The following RASL10A variants were observed in gnomAD, a reference collection of about 807,000 sequenced individuals.
The protein encoded by RASL10A is RAS like family 10 member A.
A neutral mutation model predicts 17.3 loss-of-function variants in RASL10A; 13 were observed. That is an observed-to-expected ratio of 0.75 (90% confidence interval 0.49 to 1.20). The LOEUF (loss-of-function observed/expected upper bound fraction) is 1.20. Among genes scored for constraint, RASL10A ranks in the 50% most tolerant of loss-of-function variants. The probability of loss-of-function intolerance (pLI) is 0.00; values close to 1 mark genes in which losing one functional copy is unlikely to be tolerated. For missense variants in RASL10A, 307 were observed against 310.3 expected (o/e 0.99, Z 0.08); for synonymous variants, 159 against 142.2 (o/e 1.12, Z -0.84).
Position 29,313,585 on chromosome 22 carries a change from G to A in RASL10A, c.345-17C>T, listed in dbSNP as rs2061433952. On this transcript the variant is annotated splice_polypyrimidine_tract_variant and intron_variant, in intron 2 of 2. Transcript: ENST00000216101. Reference sequence around the variant, plus strand: ...CCCGCCGGCCTGGGGGCCGAATGGAGATGAGAGACGCGGGGACCCCACGGC... The same window carrying A: ...CCCGCCGGCCTGGGGGCCGAATGGAAATGAGAGACGCGGGGACCCCACGGC... 6.6e-7 allele frequency: 1 copy of A among 1,519,878 alleles called. No individual in the cohort carries two copies. Among genetic ancestry groups the A allele is most frequent in the Admixed American group, 2.1e-5 (1 of 47,744 alleles). 94.1% of individuals were successfully genotyped at this position (1,519,878 alleles called of 1,614,324 possible).
chr22:29,313,733 T>C (rs2061435497), intron 2 of RASL10A, 130 bp downstream of exon 2: 12 of 1,475,672 alleles, frequency 8.1e-6, no homozygotes, highest in East Asian at 4.6e-5. Flanking sequence ...CACATACAGC[T>C]TAAGACCTTC....
Position 29,315,095 on chromosome 22 carries a change from G to A in RASL10A, c.152C>T (p.Ala51Val). The A allele has an allele frequency of 1.3e-6, 2 of 1,527,652 alleles. No homozygotes were observed. The highest frequency in any genetic ancestry group is 2.4e-5 in the South Asian group (2 of 82,832). 94.6% of individuals were successfully genotyped at this position (1,527,652 alleles called of 1,614,324 possible). A position where few individuals can be genotyped will look rare whatever the true frequency, so the allele number is the denominator to read the frequency against. ...GTCGCGGATGCTCAAGTCGTAGACGGCGCCGTCGAGCAGCACCGCGGGTCG... is the reference window on the plus strand; with the variant it reads ...GTCGCGGATGCTCAAGTCGTAGACGACGCCGTCGAGCAGCACCGCGGGTCG... ...LYRPAVLLDG[A>V]VYDLSIRDGD... The change falls in exon 1 of 3, where the codon GCC becomes GTC. Residue 51 changes from alanine (A) to valine (V), a missense_variant. Ala to Val is a moderately conservative substitution (Grantham distance 64). Transcript: ENST00000216101. This position sits in a 1 kb window ranked among gnomAD's most constrained non-coding sequence, Gnocchi z 5.5.
At chr22:29,318,372 G>A (rs550803007), upstream of RASL10A, among the ~76,000 whole-genome samples, 5 of 152,282 alleles carry the variant, frequency 3.3e-5, no homozygotes, top group Admixed American at 6.5e-5. Context: ...CACAGGGGCC[G>A]GAACCCAGGC....
chr22:29,316,442 G>A (rs2061454595), upstream of RASL10A, among the ~76,000 whole-genome samples: 1 of 152,148 alleles, frequency 6.6e-6, no homozygotes, highest in Non-Finnish European at 1.5e-5. Flanking sequence ...TCCAGAAATT[G>A]GCCCACTCCA....
Position 29,313,349 on chromosome 22 carries a change from G to A in RASL10A, c.564C>T (p.Ala188=). ...GATGCAGCGCCCCCTGCAGGCGCAG[G>A]GCCGGGTGTGCAGGGCGCGCGCGCA... The part of the protein sequence containing the change: ...ALVRARPAHP[A]LRLQGALHPA... The change falls in exon 3 of 3, where the codon GCC becomes GCT. Residue 188 remains alanine (A), a synonymous_variant. Coordinates refer to ENST00000216101, the MANE Select transcript of RASL10A (RefSeq NM_006477.5). 6.5e-7 allele frequency: 1 copy of A among 1,540,940 alleles called. No individual in the cohort carries two copies. Among genetic ancestry groups the A allele is most frequent in the Non-Finnish European group, 8.7e-7 (1 of 1,143,102 alleles).
chr22:29,315,024 C>A lies in RASL10A; in HGVS notation c.219+4G>T, dbSNP rs2061444542. 6.7e-7 allele frequency: 1 copy of A among 1,499,972 alleles called. No individual in the cohort carries two copies. Among genetic ancestry groups the A allele is most frequent in the African/African-American group, 1.4e-5 (1 of 69,290 alleles). 92.9% of individuals were successfully genotyped at this position (1,499,972 alleles called of 1,614,324 possible). On this transcript the variant is annotated splice_donor_region_variant and intron_variant, in intron 1 of 2. Coordinates refer to ENST00000216101, the MANE Select transcript of RASL10A (RefSeq NM_006477.5). This position sits in a 1 kb window ranked among gnomAD's most constrained non-coding sequence, Gnocchi z 5.5. Reference sequence around the variant, plus strand: ...ACGCCCCTGCCCGCTCCTCGAGCCGCTACCTCCGGACCCCCGGGGCTCGAG... The same window carrying A: ...ACGCCCCTGCCCGCTCCTCGAGCCGATACCTCCGGACCCCCGGGGCTCGAG...
Position 29,315,346 on chromosome 22 carries a change from G to C in RASL10A, c.-100C>G, listed in dbSNP as rs1042868386. 9.2e-6 allele frequency: 7 copies of C among 760,096 alleles called. No homozygotes were observed. In the African/African-American group the frequency reaches 1.3e-4, roughly 14 times the overall value. 47.1% of individuals were successfully genotyped at this position (760,096 alleles called of 1,614,324 possible). A position where few individuals can be genotyped will look rare whatever the true frequency, so the allele number is the denominator to read the frequency against. On this transcript the variant is annotated 5_prime_UTR_variant, in exon 1 of 3. Coordinates refer to ENST00000216101, the MANE Select transcript of RASL10A (RefSeq NM_006477.5). The surrounding 1 kb of genome is among the most constrained non-coding windows in gnomAD (Gnocchi z 5.5). ...GCGCCCCGCGCGCCCTGCCCGGTGC[G>C]CCACGGCCCCGTCGCGCTTCTCGTC...
Position 29,315,329 on chromosome 22 carries a change from C to T in RASL10A, c.-83G>A, listed in dbSNP as rs1207144719. The T allele has an allele frequency of 2.1e-6, 2 of 970,630 alleles. No individual in the cohort carries two copies. Among genetic ancestry groups the T allele is most frequent in the Admixed American group, 4.5e-5 (1 of 22,130 alleles). 60.1% of individuals were successfully genotyped at this position (970,630 alleles called of 1,614,324 possible). Reference sequence around the variant, plus strand: ...GTGCGCCCCCAGGCCGTGCGCCCCGCGCGCCCTGCCCGGTGCGCCACGGCC... The same window carrying T: ...GTGCGCCCCCAGGCCGTGCGCCCCGTGCGCCCTGCCCGGTGCGCCACGGCC... On this transcript the variant is annotated 5_prime_UTR_variant, in exon 1 of 3. Transcript: ENST00000216101. This position sits in a 1 kb window ranked among gnomAD's most constrained non-coding sequence, Gnocchi z 5.5.
At chr22:29,317,530 C>G (rs188852481), upstream of RASL10A, among the ~76,000 whole-genome samples, 579 of 152,328 alleles carry the variant, frequency 3.8e-3, 1 homozygote, top group Non-Finnish European at 5.8e-3. Flanking sequence ...TGAGCCACCA[C>G]ATCTGGCCAA....
upstream of RASL10A, among the ~76,000 whole-genome samples, chr22:29,317,745 T>C (rs2061460458): frequency 6.6e-6 from 1 of 152,172 alleles, no homozygotes; most frequent in Admixed American, 6.5e-5. Flanking sequence ...AGTGCAGTGG[T>C]GCGATCTTGG....
chr22:29,314,951 G>A, intron 1 of RASL10A, 77 bp downstream of exon 1: 1 of 1,216,374 alleles, frequency 8.2e-7, no homozygotes, highest in Non-Finnish European at 1.1e-6. Context: ...AGGCCTCCAC[G>A]CGGACACGCA....
chr22:29,315,067 G>C lies in RASL10A; in HGVS notation c.180C>G (p.Gly60=), dbSNP rs948039968. The C allele has an allele frequency of 6.6e-7, 1 of 1,518,920 alleles. No homozygotes were observed. The highest frequency in any genetic ancestry group is 1.2e-5 in the South Asian group (1 of 82,342). The allele number at this position is 1,518,920 out of a possible 1,614,324, so 94.1% of individuals were successfully genotyped here. A position where few individuals can be genotyped will look rare whatever the true frequency, so the allele number is the denominator to read the frequency against. The change falls in exon 1 of 3, where the codon GGC becomes GGG. Residue 60 remains glycine (G), a synonymous_variant. Coordinates refer to ENST00000216101, the MANE Select transcript of RASL10A (RefSeq NM_006477.5). This position sits in a 1 kb window ranked among gnomAD's most constrained non-coding sequence, Gnocchi z 5.5. ...GAVYDLSIRD[G]DVAGPGSSPG... ...GGCTCGAGCCGGGGCCAGCGACGTCGCCGTCGCGGATGCTCAAGTCGTAGA... is the reference window on the plus strand; with the variant it reads ...GGCTCGAGCCGGGGCCAGCGACGTCCCCGTCGCGGATGCTCAAGTCGTAGA...
Position 29,314,339 on chromosome 22 carries a change from C to T in RASL10A, c.220-352G>A, listed in dbSNP as rs187476802. 6.7e-3 allele frequency: 1,419 copies of T among 213,180 alleles called. 22 individuals carry two copies. The highest frequency in any genetic ancestry group is 0.03 in the African/African-American group (1,323 of 43,502). 13.2% of individuals were successfully genotyped at this position (213,180 alleles called of 1,614,324 possible). A position where few individuals can be genotyped will look rare whatever the true frequency, so the allele number is the denominator to read the frequency against. On this transcript the variant is annotated intron_variant, in intron 1 of 2. Coordinates refer to ENST00000216101, the MANE Select transcript of RASL10A (RefSeq NM_006477.5). ...ATTCCAAAGCCCTTGGCCCGAGTCC[C>T]GTGGTCCACCACGCCCCCAGATTGT...
rs1178330603 is a variant in RASL10A at position 29,315,238 on chromosome 22, AC to A, written c.8del (p.Gly3ValfsTer8). On this transcript the variant is annotated frameshift_variant, in exon 1 of 3. Transcript: ENST00000216101. LOFTEE classifies it high-confidence loss of function. This position sits in a 1 kb window ranked among gnomAD's most constrained non-coding sequence, Gnocchi z 5.5. ...CGCCTAGAACGGCCACCCGCAGGCT[AC>A]CCCCCATGGCCGGCCGGCGCTGTCG... The part of the protein sequence containing the change: MG[G>X]SLRVAVLGAP... 4 of 1,497,418 alleles carry A rather than the reference AC, an allele frequency of 2.7e-6. No homozygotes were observed. Among genetic ancestry groups the A allele is most frequent in the African/African-American group, 1.5e-5 (1 of 68,676 alleles). The allele number at this position is 1,497,418 out of a possible 1,614,324, so 92.8% of individuals were successfully genotyped here.
intron 1 of RASL10A, chr22:29,314,212 C>T (rs2061439159): frequency 3.6e-6 from 2 of 548,698 alleles, no homozygotes; most frequent in Non-Finnish European, 6.4e-6. Context: ...TTGGTCTCCC[C>T]TCTGTTTACC....
rs2061448158 is a variant in RASL10A at position 29,315,433 on chromosome 22, CAGACAGACAGCCGAGT to C, written c.-203_-188del. Reference sequence around the variant, plus strand: ...GAGGCAGGAGCTGGCGGCGGGAGGGCAGACAGACAGCCGAGTGGGCAGACAGGTGGCGGGCGCGCGA... The same window carrying C: ...GAGGCAGGAGCTGGCGGCGGGAGGGCGGGCAGACAGGTGGCGGGCGCGCGA... On this transcript the variant is annotated 5_prime_UTR_variant, in exon 1 of 3. Transcript: ENST00000216101. The surrounding 1 kb of genome is among the most constrained non-coding windows in gnomAD (Gnocchi z 5.5). The C allele has an allele frequency of 3.2e-6, 1 of 313,974 alleles. No individual in the cohort carries two copies. The highest frequency in any genetic ancestry group is 5.6e-6 in the Non-Finnish European group (1 of 178,254). The allele number at this position is 313,974 out of a possible 1,614,324, so 19.4% of individuals were successfully genotyped here.
upstream of RASL10A, among the ~76,000 whole-genome samples, chr22:29,318,104 T>C (rs2061461888): frequency 6.6e-6 from 1 of 152,208 alleles, no homozygotes; most frequent in African/African-American, 2.4e-5. Context: ...GAGCTGTGTG[T>C]GAGGCGTCTC....
chr22:29,315,362 G>A lies in RASL10A; in HGVS notation c.-116C>T, dbSNP rs1179557095. The stretch of plus-strand genomic sequence containing the variant: ...GCCCGGTGCGCCACGGCCCCGTCGC[G>A]CTTCTCGTCGCCCCTCGGAGCACCG... On this transcript the variant is annotated 5_prime_UTR_variant, in exon 1 of 3. Coordinates refer to ENST00000216101, the MANE Select transcript of RASL10A (RefSeq NM_006477.5). This position sits in a 1 kb window ranked among gnomAD's most constrained non-coding sequence, Gnocchi z 5.5. 1.7e-6 allele frequency: 1 copy of A among 600,698 alleles called. No homozygotes were observed. The highest frequency in any genetic ancestry group is 2.3e-6 in the Non-Finnish European group (1 of 429,428). 37.2% of individuals were successfully genotyped at this position (600,698 alleles called of 1,614,324 possible). A position where few individuals can be genotyped will look rare whatever the true frequency, so the allele number is the denominator to read the frequency against.
At position 29,315,214 on chromosome 22, in the gene RASL10A, G is replaced by T. The variant is rs775874185; in HGVS notation, c.33C>A (p.Gly11=). 2.0e-6 allele frequency: 3 copies of T among 1,519,662 alleles called. No individual in the cohort carries two copies. Among genetic ancestry groups the T allele is most frequent in the East Asian group, 2.7e-5 (1 of 37,676 alleles). The allele number at this position is 1,519,662 out of a possible 1,614,324, so 94.1% of individuals were successfully genotyped here. The change falls in exon 1 of 3, where the codon GGC becomes GGA. Residue 11 remains glycine, a synonymous_variant. Transcript: ENST00000216101. This position sits in a 1 kb window ranked among gnomAD's most constrained non-coding sequence, Gnocchi z 5.5. ...TGGCCGTCTTGCCCACGCCCGGGGCGCCTAGAACGGCCACCCGCAGGCTAC... is the reference window on the plus strand; with the variant it reads ...TGGCCGTCTTGCCCACGCCCGGGGCTCCTAGAACGGCCACCCGCAGGCTAC... MGGSLRVAVL[G]APGVGKTAII... is the part of the protein sequence containing the mutation.
Sources: allele counts gnomAD v4.1 joint callset (sites outside exome capture counted in the v4.1 genomes callset), GRCh38; gene constraint gnomAD v4.1.1; non-coding constraint Gnocchi (gnomAD v3.1); transcripts MANE v1.5; gene names NCBI Gene and HGNC (gene_info 2026-07-23, HGNC 2026-07-21).